FHOD3: variants seen among roughly 807,000 people sequenced by gnomAD.
FHOD3 encodes FH1/FH2 domain-containing protein 3.
In FHOD3, 90 loss-of-function variants were observed where a neutral mutation model predicts 173.0. The observed-to-expected ratio is 0.52, with a 90% CI of 0.44 to 0.62. The LOEUF (loss-of-function observed/expected upper bound fraction) is 0.62. FHOD3 is among the 20% of genes least tolerant of loss of function. FHOD3 has a pLI of 0.00. For synonymous variants in FHOD3, 828 were observed against 823.0 expected (o/e 1.01, Z -0.10); for missense variants, 1,945 against 2,034.7 (o/e 0.96, Z 0.85).
rs559759509 is a variant in FHOD3 at position 36,736,426 on chromosome 18, A to C, written c.3577-4230A>C. Reference sequence around the variant, plus strand: ...GCACCAGAGCTCTTGTTTAGCGTCCAGAAAAAATCAGGTCACATAAACGAA... The same window carrying C: ...GCACCAGAGCTCTTGTTTAGCGTCCCGAAAAAATCAGGTCACATAAACGAA... On this transcript the variant is annotated intron_variant, in intron 20 of 28. Coordinates refer to ENST00000590592, the MANE Select transcript of FHOD3 (RefSeq NM_001281740.3). Among the ~76,000 whole-genome samples, 3 of 152,352 alleles carry C rather than the reference A, an allele frequency of 2.0e-5. No individual in the cohort carries two copies. In the East Asian group the frequency reaches 5.8e-4, roughly 29 times the overall value.
chr18:36,301,703 A>G (rs2091960184), intron 1 of FHOD3, among the ~76,000 whole-genome samples: 2 of 152,246 alleles, frequency 1.3e-5, no homozygotes, highest in South Asian at 4.1e-4. Context: ...TCATAGAATC[A>G]TAGTCCTTTT....
intron 27 of FHOD3, among the ~76,000 whole-genome samples, chr18:36,761,751 G>A (rs1408895232): frequency 6.6e-6 from 1 of 151,932 alleles, no homozygotes; most frequent in Non-Finnish European, 1.5e-5. Context: ...CAACTTTAAG[G>A]AGAATCAACT....
chr18:36,775,019 G>A (rs1600668864), intron 28 of FHOD3, among the ~76,000 whole-genome samples: 1 of 152,122 alleles, frequency 6.6e-6, no homozygotes, highest in African/African-American at 2.4e-5. Flanking sequence ...AGCACATCTG[G>A]CCCTGCCGTT....
At chr18:36,587,454 G>A (rs184032433) in intron 6 of FHOD3, among the ~76,000 whole-genome samples, 60 of 152,268 alleles carry the variant, frequency 3.9e-4, no homozygotes, top group Non-Finnish European at 1.2e-4. Context: ...GGCGATTTCC[G>A]GGGTAACACA....
At chr18:36,443,446 C>G (rs2051269274) in intron 3 of FHOD3, among the ~76,000 whole-genome samples, 1 of 152,170 alleles carries the variant, frequency 6.6e-6, no homozygotes, top group Non-Finnish European at 1.5e-5. Context: ...TCAAATTGTT[C>G]CAGATTTGAC....
chr18:36,773,614 G>C (rs920504649), intron 28 of FHOD3, among the ~76,000 whole-genome samples: 1 of 152,182 alleles, frequency 6.6e-6, no homozygotes, highest in Non-Finnish European at 1.5e-5. Flanking sequence ...GGTTAAGCGA[G>C]GCATCTATGA....
In FHOD3 at chr18:36,493,931, T is replaced by C. The variant is rs1708707; in HGVS notation, c.338-8001T>C. Among the ~76,000 whole-genome samples, 868 of 152,346 alleles carry C rather than the reference T, an allele frequency of 5.7e-3. 10 individuals are homozygous for C. Among genetic ancestry groups the C allele is most frequent in the African/African-American group, 0.02 (819 of 41,588 alleles). ...TATTTGACACTTGATGAGAGAAGCATGTGCTGTAATTATTAGTCTCACAGT... is the reference window on the plus strand; with the variant it reads ...TATTTGACACTTGATGAGAGAAGCACGTGCTGTAATTATTAGTCTCACAGT... On this transcript the variant is annotated intron_variant, in intron 3 of 28. Coordinates refer to ENST00000590592, the MANE Select transcript of FHOD3 (RefSeq NM_001281740.3).
intron 3 of FHOD3, among the ~76,000 whole-genome samples, chr18:36,474,558 C>T (rs112321410): frequency 1.3e-5 from 2 of 152,042 alleles, no homozygotes; most frequent in Admixed American, 6.6e-5. Context: ...GCCTGGCAGT[C>T]CCTGGAATCA....
intron 18 of FHOD3, chr18:36,711,147 A>G (rs1452340309): frequency 6.6e-6 from 1 of 152,188 alleles, no homozygotes; most frequent in Non-Finnish European, 1.5e-5. Context: ...CAGTGCTGTT[A>G]TGAGAGTTGG....
chr18:36,543,084 C>T (rs2057286697), intron 5 of FHOD3, among the ~76,000 whole-genome samples: 1 of 152,154 alleles, frequency 6.6e-6, no homozygotes, highest in Admixed American at 6.5e-5. Flanking sequence ...GGTGCTAAGA[C>T]TGCAACAATG....
At chr18:36,562,470 G>A (rs2058121829) in intron 5 of FHOD3, among the ~76,000 whole-genome samples, 1 of 152,220 alleles carries the variant, frequency 6.6e-6, no homozygotes, top group Admixed American at 6.5e-5. Context: ...TGTTTAAAGA[G>A]TTGAAATTTT....
intron 3 of FHOD3, among the ~76,000 whole-genome samples, chr18:36,388,815 G>C (rs1464141462): frequency 5.9e-5 from 9 of 152,224 alleles, no homozygotes; most frequent in African/African-American, 2.2e-4. Flanking sequence ...TAAAGTTTCT[G>C]TTAAGTTCAT....
At chr18:36,517,867 A>G (rs1052352453) in intron 5 of FHOD3, among the ~76,000 whole-genome samples, 1 of 152,224 alleles carries the variant, frequency 6.6e-6, no homozygotes, top group African/African-American at 2.4e-5. Flanking sequence ...AGAGTTGACT[A>G]TAGTCCACTA....
At chr18:36,541,696 G>A (rs2057228664) in intron 5 of FHOD3, among the ~76,000 whole-genome samples, 1 of 152,182 alleles carries the variant, frequency 6.6e-6, no homozygotes, top group South Asian at 2.1e-4. Context: ...TAGGATAACA[G>A]GGAGGTTGTC....
intron 3 of FHOD3, among the ~76,000 whole-genome samples, chr18:36,378,614 AAG>A (rs1491180887): frequency 4.6e-5 from 7 of 150,986 alleles, no homozygotes; most frequent in African/African-American, 1.5e-4. Context: ...AAAAAAAAAA[AAG>A]AGAGATGGGA....
rs144505176 is a variant in FHOD3, at chr18:36,740,383, T to C, written c.3577-273T>C. 4.6e-4 allele frequency among the ~76,000 whole-genome samples: 70 copies of C among 152,308 alleles called. No individual in the cohort carries two copies. The East Asian group carries it at 0.013, about 29-fold the overall frequency. On this transcript the variant is annotated intron_variant, in intron 20 of 28. Transcript: ENST00000590592. ...TTTTTACATGTCTTACTCTACTTCC[T>C]AGGGAATAGGGAGCTGTTCTCTAAT...
chr18:36,397,737 A>G (rs1334726501), intron 3 of FHOD3, among the ~76,000 whole-genome samples: 3 of 152,200 alleles, frequency 2.0e-5, no homozygotes, highest in African/African-American at 7.2e-5. Context: ...CCTTCAAGAG[A>G]GAAGTGCCCT....
chr18:36,477,232 A>G (rs1784500602), intron 3 of FHOD3, among the ~76,000 whole-genome samples: 1 of 152,102 alleles, frequency 6.6e-6, no homozygotes, highest in Non-Finnish European at 1.5e-5. Flanking sequence ...TGAGGTTGGG[A>G]TGGTGCAGTT....
At chr18:36,456,767 C>A (rs564443977) in intron 3 of FHOD3, among the ~76,000 whole-genome samples, 41 of 152,208 alleles carry the variant, frequency 2.7e-4, no homozygotes, top group African/African-American at 9.9e-4. Context: ...CTTGTACACA[C>A]CTCAGCTCTT....
Sources: allele counts gnomAD v4.1 joint callset (sites outside exome capture counted in the v4.1 genomes callset), GRCh38; gene constraint gnomAD v4.1.1; transcripts MANE v1.5; gene names NCBI Gene and HGNC (gene_info 2026-07-23, HGNC 2026-07-21).